Variants in ATP2C1 observed in about 807,000 individuals in gnomAD.
ATP2C1 encodes ATPase secretory pathway Ca2+ transporting 1.
Under a neutral mutation model 120.5 loss-of-function variants are expected in ATP2C1, and 31 were observed. The ratio of observed to expected loss-of-function variants is 0.26; its 90% confidence interval spans 0.19 to 0.35. ATP2C1 has a LOEUF of 0.35. Among genes scored for constraint, ATP2C1 ranks in the 10% least tolerant of loss-of-function variants. The pLI is 1.00. For synonymous variants in ATP2C1, 351 were observed against 358.7 expected, an observed-to-expected ratio of 0.98 and a Z score of 0.24; for missense variants, 731 against 1,107.5, an observed-to-expected ratio of 0.66 and a Z score of 4.83.
intron 17 of ATP2C1, among the ~76,000 whole-genome samples, chr3:130,972,660 T>C (rs2061377928): frequency 8.0e-6 from 1 of 125,658 alleles, no homozygotes; most frequent in African/African-American, 3.1e-5. Context: ...GTGTTCTTCC[T>C]GTGTCCATGT....
Position 130,921,113 on chromosome 3 carries a change from G to A in ATP2C1, c.7-9303G>A, listed in dbSNP as rs186766031. Among the ~76,000 whole-genome samples, 71 of 135,262 alleles carry A rather than the reference G, an allele frequency of 5.2e-4. 1 individual carries two copies. Among genetic ancestry groups the A allele is most frequent in the Admixed American group, 1.6e-3 (20 of 12,288 alleles). The allele number at this position is 135,262 out of a possible 152,430, so 88.7% of individuals were successfully genotyped here. A position where few individuals can be genotyped will look rare whatever the true frequency, so the allele number is the denominator to read the frequency against. The stretch of plus-strand genomic sequence containing the variant: ...TTTTTTTTTTTTGAGACGGAGTCTC[G>A]CACAGTTTCCCAGGCTGGAGTGCAG... On this transcript the variant is annotated intron_variant, in intron 2 of 27. Coordinates refer to ENST00000510168, the MANE Select transcript of ATP2C1 (RefSeq NM_001378687.1).
chr3:130,874,701 A>G (rs62280755), intron 1 of ATP2C1, among the ~76,000 whole-genome samples: 15,292 of 152,214 alleles, frequency 0.1, 881 homozygotes, highest in Non-Finnish European at 0.13. Context: ...GGCTTCTTCG[A>G]GTCACTACTT....
At chr3:130,947,894 C>A (rs1321631066) in intron 8 of ATP2C1, among the ~76,000 whole-genome samples, 1 of 152,016 alleles carries the variant, frequency 6.6e-6, no homozygotes, top group Non-Finnish European at 1.5e-5. Flanking sequence ...CAATGAACAT[C>A]CTAATCTTAT....
chr3:130,972,333 C>A (rs1255632924), intron 17 of ATP2C1, among the ~76,000 whole-genome samples: 2 of 152,076 alleles, frequency 1.3e-5, no homozygotes, highest in Non-Finnish European at 2.9e-5. Context: ...ATAAGGGGCA[C>A]CTTTGAGCTA....
At chr3:130,907,079 T>TACAC (rs55687116) in intron 2 of ATP2C1, among the ~76,000 whole-genome samples, 3,462 of 149,944 alleles carry the variant, frequency 0.023, 83 homozygotes, top group African/African-American at 0.069. Context: ...TATATGTGTG[T>TACAC]ACACACACAC....
chr3:130,931,788 A>G (rs2059459688), intron 3 of ATP2C1, among the ~76,000 whole-genome samples: 1 of 152,094 alleles, frequency 6.6e-6, no homozygotes, highest in Admixed American at 6.5e-5. Flanking sequence ...CACCATTAAG[A>G]TAGAACATTT....
At chr3:130,970,336 C>A (rs1418485614) in intron 17 of ATP2C1, among the ~76,000 whole-genome samples, 1 of 149,236 alleles carries the variant, frequency 6.7e-6, no homozygotes. Context: ...CAGTGCACTC[C>A]AGCCTGGGCA....
At chr3:130,909,552 A>G (rs548754943) in intron 2 of ATP2C1, among the ~76,000 whole-genome samples, 24 of 152,254 alleles carry the variant, frequency 1.6e-4, no homozygotes, top group African/African-American at 5.5e-4. Context: ...ATAGTATGCC[A>G]TGCTTGGTAG....
chr3:130,933,864 C>T (rs1253167550), intron 4 of ATP2C1, among the ~76,000 whole-genome samples: 1 of 152,098 alleles, frequency 6.6e-6, no homozygotes, highest in Non-Finnish European at 1.5e-5. Flanking sequence ...AACCTCAGAG[C>T]TATGGTATCT....
intron 2 of ATP2C1, among the ~76,000 whole-genome samples, chr3:130,902,628 G>A (rs188433534): frequency 2.3e-4 from 35 of 152,002 alleles, no homozygotes; most frequent in Non-Finnish European, 4.3e-4. Context: ...AGACCAAAAT[G>A]TACTGAATTT....
intron 2 of ATP2C1, among the ~76,000 whole-genome samples, chr3:130,906,009 G>A (rs1003689802): frequency 6.6e-6 from 1 of 152,072 alleles, no homozygotes; most frequent in African/African-American, 2.4e-5. Flanking sequence ...CCTACAGTAT[G>A]AATACTAATT....
At chr3:130,893,181 G>A (rs1271224374), upstream of ATP2C1, among the ~76,000 whole-genome samples, 1 of 152,090 alleles carries the variant, frequency 6.6e-6, no homozygotes, top group African/African-American at 2.4e-5. Flanking sequence ...TAGGGGTCTG[G>A]GTAAGATGCC....
chr3:130,964,639 A>G (rs2060972763), intron 13 of ATP2C1, among the ~76,000 whole-genome samples: 1 of 152,068 alleles, frequency 6.6e-6, no homozygotes, highest in South Asian at 2.1e-4. Context: ...TATATTTAGA[A>G]ACTCTCCAAA....
Position 130,998,275 on chromosome 3 carries a change from T to C in ATP2C1, c.2392-19T>C. On this transcript the variant is annotated intron_variant, in intron 25 of 27. Coordinates refer to ENST00000510168, the MANE Select transcript of ATP2C1 (RefSeq NM_001378687.1). The stretch of plus-strand genomic sequence containing the variant: ...AAATTCAGCCACTGAAAAGTAATTT[T>C]GTTATTGCCTCTTGACAGCTACGAG... 2 of 1,542,692 alleles carry C rather than the reference T, an allele frequency of 1.3e-6. No individual in the cohort carries two copies. The highest frequency in any genetic ancestry group is 1.8e-6 in the Non-Finnish European group (2 of 1,115,070).
rs71306204 is a variant in ATP2C1, at chr3:130,990,272, A to ACCCC, written c.1840-2671_1840-2668dup. ...AATGTTAAATAAGTGCTTAAGAGCAACCCCCCCCCCCACAAAAAAAGGCAA... is the reference window on the plus strand; with the variant it reads ...AATGTTAAATAAGTGCTTAAGAGCAACCCCCCCCCCCCCCCACAAAAAAAGGCAA... On this transcript the variant is annotated intron_variant, in intron 20 of 27. Transcript: ENST00000510168. Among the ~76,000 whole-genome samples, 186 of 102,084 alleles carry ACCCC rather than the reference A, an allele frequency of 1.8e-3. 3 individuals are homozygous for ACCCC. Among genetic ancestry groups the ACCCC allele is most frequent in the Non-Finnish European group, 2.8e-3 (136 of 49,418 alleles). 67.0% of individuals were successfully genotyped at this position (102,084 alleles called of 152,430 possible). A position where few individuals can be genotyped will look rare whatever the true frequency, so the allele number is the denominator to read the frequency against.
intron 8 of ATP2C1, among the ~76,000 whole-genome samples, chr3:130,948,712 A>G (rs2060249284): frequency 6.6e-6 from 1 of 152,138 alleles, no homozygotes; most frequent in African/African-American, 2.4e-5. Flanking sequence ...TTAAAAAAAT[A>G]TATTAATAGA....
chr3:130,861,809 TG>T (rs2068021888), intron 1 of ATP2C1, among the ~76,000 whole-genome samples: 1 of 152,156 alleles, frequency 6.6e-6, no homozygotes, highest in Non-Finnish European at 1.5e-5. Context: ...ATTACAAATC[TG>T]AGTGACAAAT....
Position 130,979,103 on chromosome 3 carries a change from G to A in ATP2C1, c.1571-146G>A. On this transcript the variant is annotated intron_variant, in intron 18 of 27. Coordinates refer to ENST00000510168, the MANE Select transcript of ATP2C1 (RefSeq NM_001378687.1). ...CCATTAAACTATAATGTTTTGGTCT[G>A]TAATCATTTTGATTTTACAAATGAC... 11 of 769,086 alleles carry A rather than the reference G, an allele frequency of 1.4e-5. No individual in the cohort carries two copies. In the South Asian group the frequency reaches 1.6e-4, roughly 11 times the overall value. 47.6% of individuals were successfully genotyped at this position (769,086 alleles called of 1,614,324 possible).
rs538043716 is a variant in ATP2C1 at position 131,001,034 on chromosome 3, C to T, written c.2630-186C>T. Among the ~76,000 whole-genome samples the T allele has an allele frequency of 3.0e-5, 4 of 131,736 alleles. No homozygotes were observed. The East Asian group carries it at 9.2e-4, about 30-fold the overall frequency. The allele number at this position is 131,736 out of a possible 152,430, so 86.4% of individuals were successfully genotyped here. A position where few individuals can be genotyped will look rare whatever the true frequency, so the allele number is the denominator to read the frequency against. ...AGGCAAATGGCTTGAACCCAGGAGG[C>T]GGAGGTTGCAGTGAGCTGAGATCAT... is the stretch of plus-strand genomic sequence containing the variant. On this transcript the variant is annotated intron_variant, in intron 27 of 27. Coordinates refer to ENST00000510168, the MANE Select transcript of ATP2C1 (RefSeq NM_001378687.1).
Sources: allele counts gnomAD v4.1 joint callset (sites outside exome capture counted in the v4.1 genomes callset), GRCh38; gene constraint gnomAD v4.1.1; transcripts MANE v1.5; gene names NCBI Gene and HGNC (gene_info 2026-07-23, HGNC 2026-07-21).